The following MYO16 variants were observed in gnomAD, a reference collection of about 807,000 sequenced individuals.
MYO16 encodes unconventional myosin-XVI.
In MYO16, 94 loss-of-function variants were observed where a neutral mutation model predicts 205.3. The observed-to-expected ratio is 0.46, with a 90% CI of 0.39 to 0.54. The LOEUF (loss-of-function observed/expected upper bound fraction) is 0.54. MYO16 is among the 20% of genes least tolerant of loss of function. The pLI is 0.00. For missense variants in MYO16, 2,315 were observed against 2,387.5 expected, an observed-to-expected ratio of 0.97 and a Z score of 0.63; for synonymous variants, 988 against 954.0, an observed-to-expected ratio of 1.04 and a Z score of -0.66.
At chr13:108,748,652 G>A (rs1212730142) in intron 4 of MYO16, among the ~76,000 whole-genome samples, 1 of 151,978 alleles carries the variant, frequency 6.6e-6, no homozygotes, top group African/African-American at 2.4e-5. Flanking sequence ...ATGAAACAAG[G>A]GAGAAAGCCC....
At chr13:109,002,322 T>A (rs984260129) in intron 21 of MYO16, among the ~76,000 whole-genome samples, 1 of 152,228 alleles carries the variant, frequency 6.6e-6, no homozygotes, top group South Asian at 2.1e-4. Context: ...TATGTTTCAC[T>A]GAGTAATGAA....
At chr13:108,908,490 C>G (rs1178525041) in intron 15 of MYO16, among the ~76,000 whole-genome samples, 2 of 152,092 alleles carry the variant, frequency 1.3e-5, no homozygotes, top group Non-Finnish European at 2.9e-5. Context: ...GCTTTTAGTG[C>G]TGGACTTTAG....
At chr13:109,074,880 C>A (rs550224505) in intron 27 of MYO16, among the ~76,000 whole-genome samples, 19 of 152,324 alleles carry the variant, frequency 1.2e-4, no homozygotes, top group Non-Finnish European at 2.5e-4. Context: ...TACAATTCAA[C>A]ATGAGATTTG....
chr13:109,067,927 G>A (rs1030099036), intron 27 of MYO16, among the ~76,000 whole-genome samples: 1 of 152,114 alleles, frequency 6.6e-6, no homozygotes, highest in Non-Finnish European at 1.5e-5. Flanking sequence ...AAAATAAAAA[G>A]TCTTTAATAA....
chr13:108,731,751 A>G (rs1245054339), intron 4 of MYO16, among the ~76,000 whole-genome samples: 1 of 152,180 alleles, frequency 6.6e-6, no homozygotes, highest in African/African-American at 2.4e-5. Flanking sequence ...ATAAATTATC[A>G]CCGATTATGT....
At chr13:108,557,585 G>A in the MYO16 span, among the ~76,000 whole-genome samples, 8 of 152,144 alleles carry the variant, frequency 5.3e-5, no homozygotes, top group African/African-American at 1.7e-4. Context: ...TCTGAACTGG[G>A]TCCTTGAACC....
At chr13:108,604,282 C>G (rs993165969) in intron 1 of MYO16, among the ~76,000 whole-genome samples, 1 of 151,958 alleles carries the variant, frequency 6.6e-6, no homozygotes, top group African/African-American at 2.4e-5. Context: ...TGTGTATAAC[C>G]TAATGAGGCA....
intron 27 of MYO16, among the ~76,000 whole-genome samples, chr13:109,094,367 T>C (rs1445648893): frequency 1.3e-5 from 2 of 152,096 alleles, no homozygotes; most frequent in Non-Finnish European, 2.9e-5. Flanking sequence ...TGTGCCACCA[T>C]GTCTGCTTAA....
At chr13:109,047,872 A>G (rs928908463) in intron 24 of MYO16, among the ~76,000 whole-genome samples, 1 of 152,140 alleles carries the variant, frequency 6.6e-6, no homozygotes, top group African/African-American at 2.4e-5. Flanking sequence ...GCACAGCTGT[A>G]ATACACTGTT....
intron 31 of MYO16, among the ~76,000 whole-genome samples, chr13:109,130,275 C>A (rs1717748515): frequency 6.6e-6 from 1 of 152,146 alleles, no homozygotes; most frequent in African/African-American, 2.4e-5. Context: ...TGCGTTTGGT[C>A]CACTGTGTCG....
chr13:109,127,179 C>CA lies in MYO16; in HGVS notation c.3783-98dup. 1 of 1,406,382 alleles carries CA rather than the reference C, an allele frequency of 7.1e-7. No homozygotes were observed. 87.1% of individuals were successfully genotyped at this position (1,406,382 alleles called of 1,614,324 possible). A position where few individuals can be genotyped will look rare whatever the true frequency, so the allele number is the denominator to read the frequency against. ...AGCCACAGCAGGAAGGGCTGCTTGC[C>CA]AAAAAGCCGTCATTATGTCTGCTTG... On this transcript the variant is annotated intron_variant, in intron 30 of 34. Coordinates refer to ENST00000457511, the MANE Select transcript of MYO16 (RefSeq NM_001198950.3). The surrounding 1 kb of genome is among the most constrained non-coding windows in gnomAD (Gnocchi z 4.2).
At chr13:109,184,113 T>G (rs747334433) in intron 34 of MYO16, among the ~76,000 whole-genome samples, 3 of 152,208 alleles carry the variant, frequency 2.0e-5, no homozygotes, top group Non-Finnish European at 4.4e-5. Context: ...ATATTTAGTT[T>G]AATCATTAAA....
intron 4 of MYO16, among the ~76,000 whole-genome samples, chr13:108,757,826 C>T (rs1000210562): frequency 2.6e-5 from 4 of 152,070 alleles, no homozygotes; most frequent in African/African-American, 4.8e-5. Context: ...TTCACTGCAC[C>T]GTCAGACCAT....
intron 2 of MYO16, among the ~76,000 whole-genome samples, chr13:108,687,627 T>C: frequency 6.6e-6 from 1 of 152,210 alleles, no homozygotes. Context: ...AAGGAGAATC[T>C]AAAAAGAACT....
rs199752492 is a variant in MYO16, at chr13:109,173,691, C to T, written c.5324-5851C>T. ...CAGGCGGATTACAAGGTCAGGCGAT[C>T]GAGACCATCCTGGCTAACACGGTGA... On this transcript the variant is annotated intron_variant, in intron 33 of 34. Coordinates refer to ENST00000457511, the MANE Select transcript of MYO16 (RefSeq NM_001198950.3). Among the ~76,000 whole-genome samples the T allele has an allele frequency of 6.0e-5, 9 of 151,070 alleles. No homozygotes were observed. In the East Asian group the frequency reaches 1.4e-3, roughly 23 times the overall value.
intron 16 of MYO16, among the ~76,000 whole-genome samples, chr13:108,911,077 A>G (rs1447251169): frequency 6.6e-6 from 1 of 151,118 alleles, no homozygotes; most frequent in Non-Finnish European, 1.5e-5. Context: ...AGAGAGAGAG[A>G]AGGGTTGCTT....
chr13:108,810,928 T>A (rs575059917), intron 7 of MYO16, among the ~76,000 whole-genome samples: 1 of 152,210 alleles, frequency 6.6e-6, no homozygotes, highest in African/African-American at 2.4e-5. Flanking sequence ...ACTTTTGCAA[T>A]GGAAAACAAA....
At chr13:108,614,328 G>A (rs1050305259) in intron 1 of MYO16, among the ~76,000 whole-genome samples, 2 of 152,008 alleles carry the variant, frequency 1.3e-5, no homozygotes, top group African/African-American at 4.8e-5. Flanking sequence ...AATTAAAGAA[G>A]CCCTCAAAGG....
intron 21 of MYO16, among the ~76,000 whole-genome samples, chr13:109,006,373 A>G (rs149322523): frequency 0.012 from 1,836 of 151,996 alleles, 41 homozygotes; most frequent in African/African-American, 0.042. Context: ...CTGAGTAGCT[A>G]GGACTATAGG....
Sources: allele counts gnomAD v4.1 joint callset (sites outside exome capture counted in the v4.1 genomes callset), GRCh38; gene constraint gnomAD v4.1.1; non-coding constraint Gnocchi (gnomAD v3.1); transcripts MANE v1.5; gene names NCBI Gene and HGNC (gene_info 2026-07-23, HGNC 2026-07-21).